Variants in PDE4D observed in about 807,000 individuals in gnomAD.
PDE4D encodes phosphodiesterase 4D.
In PDE4D, 24 loss-of-function variants were observed where a neutral mutation model predicts 87.4. The ratio of observed to expected loss-of-function variants is 0.27; its 90% CI spans 0.20 to 0.39. The LOEUF (loss-of-function observed/expected upper bound fraction) is 0.39. Among genes scored for constraint, PDE4D ranks in the 10% least tolerant of loss-of-function variants. PDE4D has a pLI of 1.00. For synonymous variants in PDE4D, 384 were observed against 383.2 expected, an observed-to-expected ratio of 1.00 and a Z score of -0.02; for missense variants, 714 against 1,041.0, an observed-to-expected ratio of 0.69 and a Z score of 4.32.
At chr5:59,516,274 T>A (rs1811134773) in intron 1 of PDE4D, among the ~76,000 whole-genome samples, 1 of 152,202 alleles carries the variant, frequency 6.6e-6, no homozygotes, top group African/African-American at 2.4e-5. Context: ...CTCTTGCCTA[T>A]CCCTCCTCCC....
At chr5:59,526,894 G>A (rs1217829164) in intron 1 of PDE4D, among the ~76,000 whole-genome samples, 5 of 152,120 alleles carry the variant, frequency 3.3e-5, no homozygotes, top group East Asian at 3.9e-4. Context: ...CCAAAGTGCT[G>A]GGATTACAGG....
At chr5:59,556,218 G>A (rs1043363853) in intron 1 of PDE4D, among the ~76,000 whole-genome samples, 1 of 152,164 alleles carries the variant, frequency 6.6e-6, no homozygotes, top group Non-Finnish European at 1.5e-5. Context: ...CTGCACATCT[G>A]AGACAGAGTA....
At chr5:60,087,887 A>C (rs1774705617) in intron 2 of PDE4D, among the ~76,000 whole-genome samples, 1 of 152,158 alleles carries the variant, frequency 6.6e-6, no homozygotes, top group African/African-American at 2.4e-5. Context: ...AACACTATCC[A>C]AGTGCAGGAA....
intron 2 of PDE4D, among the ~76,000 whole-genome samples, chr5:60,083,286 C>CCCATGAA (rs2152905117): frequency 1.3e-5 from 2 of 152,264 alleles, no homozygotes; most frequent in Admixed American, 6.5e-5. Context: ...TCACTTTATA[C>CCCATGAA]CCATGAATTA....
intron 3 of PDE4D, among the ~76,000 whole-genome samples, chr5:59,191,310 G>C (rs1177303184): frequency 6.6e-6 from 1 of 151,854 alleles, no homozygotes; most frequent in Non-Finnish European, 1.5e-5. Flanking sequence ...TAATCTATTT[G>C]TTGCAGCTTA....
intron 1 of PDE4D, among the ~76,000 whole-genome samples, chr5:59,663,163 C>A (rs183068854): frequency 1.3e-3 from 194 of 151,856 alleles, no homozygotes; most frequent in African/African-American, 4.4e-3. Context: ...TGATATTTTT[C>A]TTTGTTTTTT....
chr5:60,109,553 C>A (rs1017355069), intron 2 of PDE4D, among the ~76,000 whole-genome samples: 1 of 151,766 alleles, frequency 6.6e-6, no homozygotes, highest in African/African-American at 2.4e-5. Context: ...TATAAAGACA[C>A]ATGCACACGT....
At chr5:60,006,378 T>C (rs981015695) in intron 2 of PDE4D, among the ~76,000 whole-genome samples, 1 of 151,860 alleles carries the variant, frequency 6.6e-6, no homozygotes, top group Non-Finnish European at 1.5e-5. Flanking sequence ...TAAAAATGTA[T>C]AATAATTTTC....
At chr5:59,123,460 C>T (rs1774909474) in intron 5 of PDE4D, among the ~76,000 whole-genome samples, 2 of 152,152 alleles carry the variant, frequency 1.3e-5, no homozygotes, top group Non-Finnish European at 2.9e-5. Context: ...GTTTATACAT[C>T]TACTTAATTC....
intron 5 of PDE4D, among the ~76,000 whole-genome samples, chr5:59,070,922 T>A (rs1028845959): frequency 2.6e-5 from 4 of 152,242 alleles, no homozygotes; most frequent in Non-Finnish European, 4.4e-5. Flanking sequence ...TGTTCTTTCC[T>A]TATTATCCCA....
intron 1 of PDE4D, among the ~76,000 whole-genome samples, chr5:59,615,761 A>G (rs1452584942): frequency 3.3e-5 from 5 of 152,136 alleles, no homozygotes; most frequent in Admixed American, 3.3e-4. Flanking sequence ...GTAAGTTTAA[A>G]ATTCTTTATA....
intron 1 of PDE4D, among the ~76,000 whole-genome samples, chr5:59,272,221 T>C (rs924005425): frequency 6.6e-6 from 1 of 152,054 alleles, no homozygotes; most frequent in Non-Finnish European, 1.5e-5. Context: ...TCCACTTCCA[T>C]TGACTAAACT....
chr5:59,554,349 A>G (rs1818570224), intron 1 of PDE4D, among the ~76,000 whole-genome samples: 1 of 152,120 alleles, frequency 6.6e-6, no homozygotes, highest in African/African-American at 2.4e-5. Flanking sequence ...GATGGCCCCC[A>G]TCCCCCTCCA....
chr5:60,162,700 T>C (rs1427529760), intron 2 of PDE4D, among the ~76,000 whole-genome samples: 1 of 152,072 alleles, frequency 6.6e-6, no homozygotes, highest in African/African-American at 2.4e-5. Flanking sequence ...GAACATGTAT[T>C]TTAAGCAATC....
intron 1 of PDE4D, among the ~76,000 whole-genome samples, chr5:59,398,349 A>G (rs879550691): frequency 0.037 from 5,131 of 139,248 alleles, 339 homozygotes; most frequent in African/African-American, 0.13. Flanking sequence ...CTGGCAAACC[A>G]AATCCAGCAG....
chr5:59,476,901 C>T (rs1803371354), intron 1 of PDE4D, among the ~76,000 whole-genome samples: 2 of 151,956 alleles, frequency 1.3e-5, no homozygotes, highest in Non-Finnish European at 2.9e-5. Context: ...AATAGCATTA[C>T]AGCACGTAAC....
intron 1 of PDE4D, among the ~76,000 whole-genome samples, chr5:60,411,792 G>A (rs1742066603): frequency 6.6e-6 from 1 of 152,046 alleles, no homozygotes; most frequent in African/African-American, 2.4e-5. Context: ...CAATAACTAA[G>A]CTATGATCCA....
chr5:60,265,062 T>A (rs955808998), intron 1 of PDE4D, among the ~76,000 whole-genome samples: 3 of 152,180 alleles, frequency 2.0e-5, no homozygotes, highest in Non-Finnish European at 4.4e-5. Context: ...GCTAGGAGGC[T>A]AGAAAAGCTG....
intron 2 of PDE4D, among the ~76,000 whole-genome samples, chr5:60,174,891 G>A (rs984756472): frequency 6.6e-6 from 1 of 151,962 alleles, no homozygotes; most frequent in East Asian, 1.9e-4. Flanking sequence ...GACTCTGCAC[G>A]TGTGTGTTTA....
Sources: gnomAD v4.1 joint callset for allele counts (sites outside exome capture counted in the v4.1 genomes callset) on GRCh38, gnomAD v4.1.1 for gene constraint, MANE v1.5 for transcripts, NCBI Gene and HGNC (gene_info 2026-07-23, HGNC 2026-07-21) for gene names.